Variants in SLC24A2 observed in about 807,000 individuals in gnomAD.
The protein encoded by SLC24A2 is sodium/potassium/calcium exchanger 2.
A neutral mutation model predicts 62.0 loss-of-function variants in SLC24A2; 36 were observed. The observed-to-expected ratio is 0.58, with a 90% CI of 0.44 to 0.77. SLC24A2 has a LOEUF of 0.77. Among genes scored for constraint, SLC24A2 ranks in the 30% least tolerant of loss-of-function variants. The pLI, the probability that SLC24A2 is intolerant of heterozygous loss-of-function variation, is 0.00. For missense variants in SLC24A2, 846 were observed against 817.9 expected (o/e 1.03, Z -0.42); for synonymous variants, 358 against 294.0 (o/e 1.22, Z -2.23).
intron 7 of SLC24A2, among the ~76,000 whole-genome samples, chr9:19,570,148 G>A (rs1252578849): frequency 6.6e-6 from 1 of 152,158 alleles, no homozygotes; most frequent in African/African-American, 2.4e-5. Flanking sequence ...AAAATTTTCT[G>A]ATTAGATAAA....
chr9:20,188,612 T>C, the SLC24A2 span, among the ~76,000 whole-genome samples: 1 of 152,204 alleles, frequency 6.6e-6, no homozygotes, highest in African/African-American at 2.4e-5. Context: ...CTTGGTGGGC[T>C]TGATGTAGTC....
chr9:19,605,619 G>T (rs996926448), intron 4 of SLC24A2, among the ~76,000 whole-genome samples: 3 of 152,120 alleles, frequency 2.0e-5, no homozygotes, highest in Admixed American at 2.0e-4. Context: ...ATATAGAAAA[G>T]ATAATTCAAG....
intron 7 of SLC24A2, among the ~76,000 whole-genome samples, chr9:19,563,924 G>A (rs1469520862): frequency 6.8e-6 from 1 of 147,466 alleles, no homozygotes; most frequent in East Asian, 2.1e-4. Flanking sequence ...GGTGATCATG[G>A]CTCATTGCAG....
chr9:20,027,726 G>T, the SLC24A2 span, among the ~76,000 whole-genome samples: 192 of 152,184 alleles, frequency 1.3e-3, 1 homozygote, highest in Non-Finnish European at 2.3e-3. Flanking sequence ...TAAATTTTAA[G>T]ATCTATTTCA....
chr9:20,039,118 GA>G, the SLC24A2 span, among the ~76,000 whole-genome samples: 1 of 152,178 alleles, frequency 6.6e-6, no homozygotes. Flanking sequence ...ACAGAAGGGG[GA>G]AAGGAGGCGG....
In SLC24A2 at chr9:19,568,754, G is replaced by C. The variant is rs577766323; in HGVS notation, c.1347+4597C>G. On this transcript the variant is annotated intron_variant, in intron 7 of 10. Coordinates refer to ENST00000341998, the MANE Select transcript of SLC24A2 (RefSeq NM_020344.4). ...CATTTAACCCATTATTATTTTTAGT[G>C]TTGCTGCATTTTTTTTGGAAAAGGT... Among the ~76,000 whole-genome samples the C allele has an allele frequency of 5.3e-5, 8 of 152,250 alleles. No homozygotes were observed. In the East Asian group the frequency reaches 1.5e-3, roughly 29 times the overall value.
chr9:19,773,756 C>G (rs897098312), intron 2 of SLC24A2, among the ~76,000 whole-genome samples: 1 of 152,206 alleles, frequency 6.6e-6, no homozygotes, highest in Non-Finnish European at 1.5e-5. Context: ...GGCAAACCAA[C>G]ATCAGTCACA....
the SLC24A2 span, among the ~76,000 whole-genome samples, chr9:19,816,053 C>T: frequency 5.7e-4 from 83 of 145,560 alleles, no homozygotes; most frequent in South Asian, 1.3e-3. Flanking sequence ...TTGTGACAAC[C>T]GGCTGCTAAA....
chr9:19,568,753 T>G (rs1177295922), intron 7 of SLC24A2, among the ~76,000 whole-genome samples: 1 of 152,190 alleles, frequency 6.6e-6, no homozygotes, highest in Non-Finnish European at 1.5e-5. Context: ...TTATTTTTAG[T>G]GTTGCTGCAT....
At chr9:20,237,011 T>TGG in the SLC24A2 span, among the ~76,000 whole-genome samples, 2 of 151,906 alleles carry the variant, frequency 1.3e-5, no homozygotes, top group African/African-American at 4.8e-5. Context: ...AGAAGCCAGG[T>TGG]GTGTCTCACA....
At chr9:19,552,253 G>C (rs1834881632) in intron 7 of SLC24A2, among the ~76,000 whole-genome samples, 1 of 152,152 alleles carries the variant, frequency 6.6e-6, no homozygotes, top group Admixed American at 6.5e-5. Context: ...GGATATAGCA[G>C]GTGTAGAGAA....
chr9:20,164,831 T>G, the SLC24A2 span, among the ~76,000 whole-genome samples: 124 of 151,388 alleles, frequency 8.2e-4, 1 homozygote, highest in Middle Eastern at 3.4e-3. Flanking sequence ...CATGTCCTTT[T>G]TAGGGACATG....
chr9:19,995,369 T>A, the SLC24A2 span, among the ~76,000 whole-genome samples: 1 of 152,022 alleles, frequency 6.6e-6, no homozygotes, highest in Non-Finnish European at 1.5e-5. Context: ...AGCGTGGAGG[T>A]TATGTGTGGG....
At chr9:20,196,364 C>G in the SLC24A2 span, among the ~76,000 whole-genome samples, 1 of 152,206 alleles carries the variant, frequency 6.6e-6, no homozygotes, top group Non-Finnish European at 1.5e-5. Context: ...CTCCACAGGA[C>G]TGCACTTGCA....
chr9:19,961,320 A>G, the SLC24A2 span, among the ~76,000 whole-genome samples: 1 of 152,168 alleles, frequency 6.6e-6, no homozygotes, highest in Non-Finnish European at 1.5e-5. Flanking sequence ...AAAGGAAAAT[A>G]TTTTTAGTAA....
At chr9:20,065,518 A>G in the SLC24A2 span, among the ~76,000 whole-genome samples, 13 of 152,206 alleles carry the variant, frequency 8.5e-5, no homozygotes, top group Non-Finnish European at 1.6e-4. Flanking sequence ...CCCACATGAC[A>G]AGCACTATTA....
At chr9:19,996,490 C>T in the SLC24A2 span, among the ~76,000 whole-genome samples, 3 of 152,028 alleles carry the variant, frequency 2.0e-5, no homozygotes, top group Non-Finnish European at 4.4e-5. Context: ...CCTGTAATCC[C>T]ACACTTTGGG....
chr9:20,085,281 G>A, the SLC24A2 span, among the ~76,000 whole-genome samples: 1 of 152,178 alleles, frequency 6.6e-6, no homozygotes, highest in Non-Finnish European at 1.5e-5. Context: ...TTACAGGCAT[G>A]AGCCACTGCA....
At chr9:19,584,337 C>T (rs1365320065) in intron 5 of SLC24A2, among the ~76,000 whole-genome samples, 5 of 149,328 alleles carry the variant, frequency 3.3e-5, no homozygotes, top group Non-Finnish European at 7.4e-5. Flanking sequence ...AAACAAAAAA[C>T]CGTGCTATGT....
Sources: gnomAD v4.1 joint callset for allele counts (sites outside exome capture counted in the v4.1 genomes callset) on GRCh38, gnomAD v4.1.1 for gene constraint, MANE v1.5 for transcripts, NCBI Gene and HGNC (gene_info 2026-07-23, HGNC 2026-07-21) for gene names.